ANKRD36: variants seen among roughly 807,000 people sequenced by gnomAD.
ANKRD36 encodes the protein ankyrin repeat domain 36, also known as ankyrin repeat domain-containing protein 36A.
ANKRD36 carries 179 observed loss-of-function variants against 278.1 expected under a neutral mutation model. That is an observed-to-expected ratio of 0.64 (90% CI 0.57 to 0.73). ANKRD36 has a LOEUF of 0.73. Ranked by LOEUF, ANKRD36 falls within the 30% of genes least tolerant of loss-of-function variation. The probability of loss-of-function intolerance (pLI) is 0.00; values close to 1 mark genes in which losing one functional copy is unlikely to be tolerated. For missense variants in ANKRD36, 1,159 were observed against 1,956.7 expected, an observed-to-expected ratio of 0.59 and a Z score of 7.69; for synonymous variants, 320 against 641.1, an observed-to-expected ratio of 0.50 and a Z score of 7.57.
Position 97,177,640 on chromosome 2 carries a change from C to A in ANKRD36, c.1634-2098C>A, listed in dbSNP as rs560290487. 2.4e-4 allele frequency among the ~76,000 whole-genome samples: 36 copies of A among 152,106 alleles called. No homozygotes were observed. The East Asian group carries it at 6.0e-3, about 25-fold the overall frequency. Reference sequence around the variant, plus strand: ...GCTAGCCATATGTAGAAAGCTGAAACTGTATCCCTTCCTTACACCTTATAC... The same window carrying A: ...GCTAGCCATATGTAGAAAGCTGAAAATGTATCCCTTCCTTACACCTTATAC... On this transcript the variant is annotated intron_variant, in intron 22 of 75. Transcript: ENST00000420699.
intron 58 of ANKRD36, among the ~76,000 whole-genome samples, chr2:97,212,138 A>G (rs1352227459): frequency 6.6e-6 from 1 of 151,916 alleles, no homozygotes; most frequent in African/African-American, 2.4e-5. Flanking sequence ...AATACCACAA[A>G]AACACTGTAG....
intron 48 of ANKRD36, among the ~76,000 whole-genome samples, chr2:97,203,585 G>A (rs969323355): frequency 1.3e-5 from 2 of 151,822 alleles, no homozygotes; most frequent in East Asian, 1.9e-4. Context: ...TGAAGTGTAC[G>A]TTCAACTGAA....
intron 66 of ANKRD36, among the ~76,000 whole-genome samples, chr2:97,220,298 A>T (rs2067057682): frequency 6.7e-6 from 1 of 149,102 alleles, no homozygotes; most frequent in Non-Finnish European, 1.5e-5. Context: ...TGCTGACTGT[A>T]GTCATGTTTT....
At chr2:97,211,081 G>T (rs916939060) in intron 56 of ANKRD36, among the ~76,000 whole-genome samples, 1 of 151,846 alleles carries the variant, frequency 6.6e-6, no homozygotes, top group Non-Finnish European at 1.5e-5. Context: ...AAATGTCTTC[G>T]TAATTGTGTG....
chr2:97,191,184 A>C lies in ANKRD36; in HGVS notation c.2347+3A>C. 1 of 1,584,910 alleles carries C rather than the reference A, an allele frequency of 6.3e-7. No individual in the cohort carries two copies. Among genetic ancestry groups the C allele is most frequent in the Non-Finnish European group, 8.6e-7 (1 of 1,165,314 alleles). ...GGATGGAGAAAAATCTGGGACAGGT[A>C]ATTTTGCAAAAGACATTTAATGTCA... On this transcript the variant is annotated splice_donor_region_variant and intron_variant, in intron 36 of 75. Coordinates refer to ENST00000420699, the MANE Select transcript of ANKRD36 (RefSeq NM_001354587.1).
chr2:97,182,732 T>C (rs1265717911), intron 26 of ANKRD36, among the ~76,000 whole-genome samples: 2 of 151,486 alleles, frequency 1.3e-5, no homozygotes, highest in Non-Finnish European at 3.0e-5. Context: ...CTTTATTTTG[T>C]ATAAGTATGT....
Position 97,206,131 on chromosome 2 carries a change from G to C in ANKRD36, c.3159G>C (p.Arg1053Ser). 1 of 1,537,220 alleles carries C rather than the reference G, an allele frequency of 6.5e-7. No homozygotes were observed. The highest frequency in any genetic ancestry group is 8.7e-7 in the Non-Finnish European group (1 of 1,144,272). Residue 1053 changes from arginine (R) to serine (S), a missense_variant, in exon 52 of 76, where the codon AGG becomes AGC. By Grantham distance (110) the Arg-to-Ser change is moderately radical. Coordinates refer to ENST00000420699, the MANE Select transcript of ANKRD36 (RefSeq NM_001354587.1). ...ARENKDGEKS[R>S]TVSSEKPSGL... is the part of the protein sequence containing the mutation. ...AAAACAAGGATGGAGAAAAATCTAG[G>C]ACAGGTAATTCTGAAAACAGATTTA...
At position 97,152,394 on chromosome 2, in the gene ANKRD36, C is replaced by T. The variant is rs535760264; in HGVS notation, c.1163-110C>T. On this transcript the variant is annotated intron_variant, in intron 13 of 75. Coordinates refer to ENST00000420699, the MANE Select transcript of ANKRD36 (RefSeq NM_001354587.1). ...TCTCAAGTGATACTTCTGCCTCAGC[C>T]TTCTGAGTAGCTGGGATTATAGGAA... The T allele has an allele frequency of 3.5e-4, 321 of 926,504 alleles. 3 individuals are homozygous for T. In the African/African-American group the frequency reaches 4.4e-3, roughly 13 times the overall value. 57.4% of individuals were successfully genotyped at this position (926,504 alleles called of 1,614,324 possible).
At chr2:97,199,290 C>T (rs1284932728) in intron 44 of ANKRD36, among the ~76,000 whole-genome samples, 1 of 151,896 alleles carries the variant, frequency 6.6e-6, no homozygotes. Flanking sequence ...AATTGGAATA[C>T]ACCACACTGA....
At chr2:97,200,186 G>A (rs2060948439) in intron 44 of ANKRD36, 148 bp from the exon 45 acceptor site, 4 of 1,505,002 alleles carry the variant, frequency 2.7e-6, no homozygotes, top group Admixed American at 1.9e-5. Flanking sequence ...TTTCTGTCAT[G>A]TTCTGATCCC....
intron 70 of ANKRD36, 120 bp downstream of exon 70, chr2:97,244,149 A>C: frequency 7.7e-7 from 1 of 1,291,378 alleles, no homozygotes; most frequent in South Asian, 1.7e-5. Flanking sequence ...TTTCATCTTA[A>C]AAATGAATCA....
chr2:97,207,171 C>T, intron 52 of ANKRD36, among the ~76,000 whole-genome samples: 1 of 151,348 alleles, frequency 6.6e-6, no homozygotes, highest in East Asian at 1.9e-4. Context: ...GATGAAGAAA[C>T]TTTCGGAAGG....
chr2:97,204,877 A>T (rs1267048497), intron 50 of ANKRD36, among the ~76,000 whole-genome samples: 1 of 151,568 alleles, frequency 6.6e-6, no homozygotes, highest in Non-Finnish European at 1.5e-5. Context: ...AGCAGGAAAC[A>T]GTGGTTGAAT....
chr2:97,191,218 C>A, intron 36 of ANKRD36, 37 bp downstream of exon 36: 2 of 1,529,760 alleles, frequency 1.3e-6, no homozygotes, highest in South Asian at 2.4e-5. Flanking sequence ...CATATTCAGT[C>A]CAGATAGATA....
At chr2:97,116,688 T>A (rs528600378) in intron 1 of ANKRD36, among the ~76,000 whole-genome samples, 1 of 152,260 alleles carries the variant, frequency 6.6e-6, no homozygotes, top group East Asian at 1.9e-4. Flanking sequence ...TTTTAGTACA[T>A]AAATAGGTTT....
chr2:97,232,808 G>A (rs1378473715), intron 67 of ANKRD36, among the ~76,000 whole-genome samples: 1 of 151,706 alleles, frequency 6.6e-6, no homozygotes, highest in Non-Finnish European at 1.5e-5. Context: ...TTTTTATAAT[G>A]ATACTGAAAG....
In ANKRD36 at chr2:97,204,050, A is replaced by T; in HGVS notation, c.2960-18A>T. The T allele has an allele frequency of 6.4e-7, 1 of 1,564,814 alleles. No individual in the cohort carries two copies. The highest frequency in any genetic ancestry group is 2.4e-5 in the East Asian group (1 of 41,784). On this transcript the variant is annotated intron_variant, in intron 48 of 75. Transcript: ENST00000420699. The stretch of plus-strand genomic sequence containing the variant: ...CATTTTTACATATGAGTGATTAGGA[A>T]TCCCTTTTACTTTTCAGTGTCTTCT...
At chr2:97,262,901 C>T (rs1218048211) in intron 75 of ANKRD36, among the ~76,000 whole-genome samples, 3 of 144,800 alleles carry the variant, frequency 2.1e-5, no homozygotes, top group Admixed American at 1.5e-4. Context: ...TCTTCTTCTA[C>T]AGCCTGCAAA....
intron 52 of ANKRD36, among the ~76,000 whole-genome samples, 154 bp downstream of exon 52, chr2:97,206,289 A>G (rs2062832729): frequency 6.6e-6 from 1 of 151,418 alleles, no homozygotes; most frequent in Non-Finnish European, 1.5e-5. Flanking sequence ...GGTGATGCTG[A>G]TGCTGCTGGT....
Sources: gnomAD v4.1 joint callset for allele counts (sites outside exome capture counted in the v4.1 genomes callset) on GRCh38, gnomAD v4.1.1 for gene constraint, MANE v1.5 for transcripts, NCBI Gene and HGNC (gene_info 2026-07-23, HGNC 2026-07-21) for gene names.